TRDN: variants seen among roughly 807,000 people sequenced by gnomAD.
TRDN encodes the protein triadin in skeletal muscle.
TRDN carries 161 observed loss-of-function variants against 149.7 expected under a neutral mutation model. The ratio of observed to expected loss-of-function variants is 1.08; its 90% CI spans 0.95 to 1.23. The LOEUF is 1.23. Ranked by LOEUF, TRDN falls within the 50% of genes most tolerant of loss-of-function variation. The pLI, the probability that TRDN is intolerant of heterozygous loss-of-function variation, is 0.00. For missense variants in TRDN, 896 were observed against 823.5 expected, an observed-to-expected ratio of 1.09 and a Z score of -1.08; for synonymous variants, 294 against 250.5, an observed-to-expected ratio of 1.17 and a Z score of -1.64.
intron 38 of TRDN, among the ~76,000 whole-genome samples, chr6:123,235,069 C>T (rs1436269993): frequency 6.6e-6 from 1 of 151,952 alleles, no homozygotes; most frequent in African/African-American, 2.4e-5. Context: ...AAACCATGAA[C>T]AATATTTATA....
intron 20 of TRDN, among the ~76,000 whole-genome samples, chr6:123,359,757 C>G (rs532769739): frequency 6.6e-6 from 1 of 151,950 alleles, no homozygotes; most frequent in African/African-American, 2.4e-5. Flanking sequence ...GTGCAGTGGC[C>G]GGATCTCGGC....
At position 123,301,782 on chromosome 6, in the gene TRDN, TATATAC is replaced by T. The variant is rs1562252347; in HGVS notation, c.1510+14669_1510+14674del. On this transcript the variant is annotated intron_variant, in intron 24 of 40. Transcript: ENST00000334268. ...ATATATATATATACATATATATATA[TATATAC>T]ATAAATGAAAATATCTGGTGGTTAT... Among the ~76,000 whole-genome samples, 210 of 57,582 alleles carry T rather than the reference TATATAC, an allele frequency of 3.6e-3. 3 individuals carry two copies. The East Asian group carries it at 0.16, about 44-fold the overall frequency. The allele number at this position is 57,582 out of a possible 152,430, so 37.8% of individuals were successfully genotyped here. A position where few individuals can be genotyped will look rare whatever the true frequency, so the allele number is the denominator to read the frequency against.
intron 24 of TRDN, among the ~76,000 whole-genome samples, chr6:123,293,568 T>C (rs928991641): frequency 1.3e-5 from 2 of 151,788 alleles, no homozygotes; most frequent in African/African-American, 4.8e-5. Context: ...AAGGTAGGAG[T>C]ACCCCCCTTC....
chr6:123,343,945 A>G (rs1295629328), intron 21 of TRDN, among the ~76,000 whole-genome samples: 1 of 152,048 alleles, frequency 6.6e-6, no homozygotes, highest in African/African-American at 2.4e-5. Flanking sequence ...AACCCTCATT[A>G]ATCAAATTAG....
At chr6:123,296,848 T>C (rs1033625020) in intron 24 of TRDN, among the ~76,000 whole-genome samples, 5 of 152,040 alleles carry the variant, frequency 3.3e-5, no homozygotes, top group African/African-American at 1.2e-4. Context: ...GCTTTGAAAA[T>C]TTCCCTTTAG....
At chr6:123,574,137 A>T (rs1782710053) in intron 1 of TRDN, among the ~76,000 whole-genome samples, 1 of 152,002 alleles carries the variant, frequency 6.6e-6, no homozygotes, top group African/African-American at 2.4e-5. Flanking sequence ...TTAGCCCCAT[A>T]TTTTCAAAAA....
intron 1 of TRDN, among the ~76,000 whole-genome samples, chr6:123,577,006 G>C (rs1411147108): frequency 6.6e-6 from 1 of 152,014 alleles, no homozygotes; most frequent in African/African-American, 2.4e-5. Context: ...CATAAGGTAG[G>C]GGGAAAGTGA....
intron 12 of TRDN, among the ~76,000 whole-genome samples, chr6:123,432,305 A>G (rs548642611): frequency 1.3e-5 from 2 of 152,238 alleles, no homozygotes; most frequent in East Asian, 3.9e-4. Context: ...TTATCACCAG[A>G]GCCACCTAAT....
intron 24 of TRDN, among the ~76,000 whole-genome samples, chr6:123,290,253 G>A (rs1264710679): frequency 1.3e-5 from 2 of 151,466 alleles, no homozygotes; most frequent in African/African-American, 2.4e-5. Flanking sequence ...CAGGCAGCTG[G>A]GTCCCAATTT....
At chr6:123,578,226 A>G (rs9482406) in intron 1 of TRDN, among the ~76,000 whole-genome samples, 66,880 of 151,894 alleles carry the variant, frequency 0.44, 14,962 homozygotes, top group East Asian at 0.57. Flanking sequence ...GTCCAGGATG[A>G]TATTGCCTAG....
chr6:123,516,010 A>G (rs1050321558), intron 6 of TRDN, 131 bp downstream of exon 6: 4 of 1,050,858 alleles, frequency 3.8e-6, no homozygotes, highest in Non-Finnish European at 4.9e-6. Flanking sequence ...CTTTTTTCAG[A>G]TTCTATTCTG....
At chr6:123,629,251 T>G (rs1267458060) in intron 1 of TRDN, among the ~76,000 whole-genome samples, 1 of 152,162 alleles carries the variant, frequency 6.6e-6, no homozygotes, top group Admixed American at 6.6e-5. Flanking sequence ...GAAAGTTTGC[T>G]AAATATGTAT....
chr6:123,300,751 A>T (rs1251328572), intron 24 of TRDN, among the ~76,000 whole-genome samples: 2 of 152,028 alleles, frequency 1.3e-5, no homozygotes, highest in African/African-American at 4.8e-5. Flanking sequence ...ATTTTGAAAG[A>T]TGTAGCAACA....
chr6:123,464,406 A>G (rs1267811083), intron 10 of TRDN: 12 of 968,334 alleles, frequency 1.2e-5, no homozygotes, highest in African/African-American at 1.8e-5. Context: ...GTGTATATAT[A>G]TATTTCAATC....
chr6:123,463,504 C>G (rs1776603359), intron 10 of TRDN, among the ~76,000 whole-genome samples: 1 of 152,026 alleles, frequency 6.6e-6, no homozygotes, highest in African/African-American at 2.4e-5. Flanking sequence ...TAGGAGATAA[C>G]TTGGCATCAA....
At chr6:123,448,498 C>T (rs1258253692) in intron 10 of TRDN, among the ~76,000 whole-genome samples, 1 of 152,060 alleles carries the variant, frequency 6.6e-6, no homozygotes, top group African/African-American at 2.4e-5. Flanking sequence ...CATGACTCAG[C>T]AGAGACAGCC....
intron 37 of TRDN, among the ~76,000 whole-genome samples, chr6:123,252,713 T>C (rs1776417364): frequency 6.6e-6 from 1 of 152,054 alleles, no homozygotes; most frequent in Non-Finnish European, 1.5e-5. Context: ...CTCAAATTCC[T>C]GTGCTCAAGC....
chr6:123,454,909 G>A (rs773534629), intron 10 of TRDN, among the ~76,000 whole-genome samples: 1 of 152,168 alleles, frequency 6.6e-6, no homozygotes, highest in Non-Finnish European at 1.5e-5. Context: ...TGCCAAAAAG[G>A]TTGAGGAATG....
At position 123,633,598 on chromosome 6, in the gene TRDN, A is replaced by G. The variant is rs535271038; in HGVS notation, c.22+3156T>C. ...GACATCTTATGTCTTCAGAATAAAT[A>G]TGTTATCATTGCTGTTATAATTATC... On this transcript the variant is annotated intron_variant, in intron 1 of 40. Transcript: ENST00000334268. 2.0e-5 allele frequency among the ~76,000 whole-genome samples: 3 copies of G among 152,200 alleles called. No homozygotes were observed. In the South Asian group the frequency reaches 6.2e-4, roughly 32 times the overall value.
Sources: gnomAD v4.1 joint callset for allele counts (sites outside exome capture counted in the v4.1 genomes callset) on GRCh38, gnomAD v4.1.1 for gene constraint, MANE v1.5 for transcripts, NCBI Gene and HGNC (gene_info 2026-07-23, HGNC 2026-07-21) for gene names.